Variants in SPATS1 observed in about 807,000 individuals in gnomAD.
SPATS1 encodes spermatogenesis associated serine rich 1.
SPATS1 carries 23 observed loss-of-function variants against 33.6 expected under a neutral mutation model. The ratio of observed to expected loss-of-function variants is 0.68; its 90% CI spans 0.49 to 0.97. The LOEUF (loss-of-function observed/expected upper bound fraction) is 0.97. Among genes scored for constraint, SPATS1 ranks in the 50% least tolerant of loss-of-function variants. The pLI, the probability that SPATS1 is intolerant of heterozygous loss-of-function variation, is 0.00. For missense variants in SPATS1, 327 were observed against 361.0 expected, an observed-to-expected ratio of 0.91 and a Z score of 0.76; for synonymous variants, 131 against 125.6, an observed-to-expected ratio of 1.04 and a Z score of -0.29.
chr6:44,356,968 T>C (rs912638724), intron 3 of SPATS1, among the ~76,000 whole-genome samples: 19 of 152,104 alleles, frequency 1.2e-4, no homozygotes, highest in Non-Finnish European at 2.2e-4. Context: ...GACTTAAATT[T>C]TATATTCTCA....
chr6:44,343,190 C>T lies in SPATS1; in HGVS notation c.95C>T (p.Pro32Leu), dbSNP rs1787668047. Residue 32 changes from proline (P) to leucine (L), a missense_variant, in exon 2 of 9, where the codon CCA (proline) becomes CTA (leucine). Coordinates refer to ENST00000674044, the MANE Select transcript of SPATS1 (RefSeq NM_001372081.1). ...TGCGGCAGACAGCTGGAGAAGGTTC[C>T]AGAAAAAAGGGACTCTGGCATGACC... Reference protein sequence around the residue: ...TTCGRQLEKVPEKRDSGMTEV... With the variant: ...TTCGRQLEKVLEKRDSGMTEV... The T allele has an allele frequency of 6.2e-7, 1 of 1,613,028 alleles. No homozygotes were observed.
chr6:44,351,390 G>A (rs777666309), intron 2 of SPATS1, among the ~76,000 whole-genome samples: 6 of 151,994 alleles, frequency 3.9e-5, no homozygotes, highest in South Asian at 4.1e-4. Flanking sequence ...ATCCCCCGTC[G>A]ATACCAAAAG....
intron 5 of SPATS1, among the ~76,000 whole-genome samples, chr6:44,364,043 C>T (rs1789096521): frequency 6.6e-6 from 1 of 152,130 alleles, no homozygotes; most frequent in African/African-American, 2.4e-5. Context: ...CCGATGTACT[C>T]ATCCACTTAG....
intron 5 of SPATS1, among the ~76,000 whole-genome samples, chr6:44,364,533 G>C (rs1789120027): frequency 7.2e-6 from 1 of 139,256 alleles, no homozygotes; most frequent in African/African-American, 2.7e-5. Flanking sequence ...GTGGTAGTTG[G>C]GTCTACAGGC....
intron 2 of SPATS1, 134 bp downstream of exon 2, chr6:44,343,368 G>GCAGCT: frequency 1.0e-6 from 1 of 1,002,376 alleles, no homozygotes; most frequent in Non-Finnish European, 1.6e-6. Context: ...AAAAAGAGCT[G>GCAGCT]CTTGAATAGT....
chr6:44,355,070 T>C (rs576934219), intron 3 of SPATS1, among the ~76,000 whole-genome samples: 7 of 152,174 alleles, frequency 4.6e-5, no homozygotes, highest in Non-Finnish European at 1.0e-4. Flanking sequence ...ATCCACCTGC[T>C]GCAGCCTCAC....
rs887425014 is a variant in SPATS1, at chr6:44,366,187, C to T, written c.575-2192C>T. ...TTGCCCAGGCTGGAGTGCAATGGTG[C>T]GATCTCGGCTCACTGCAATCTCTGC... On this transcript the variant is annotated intron_variant, in intron 5 of 8. Coordinates refer to ENST00000674044, the MANE Select transcript of SPATS1 (RefSeq NM_001372081.1). Among the ~76,000 whole-genome samples, 49 of 150,588 alleles carry T rather than the reference C, an allele frequency of 3.3e-4. 1 individual carries two copies. In the East Asian group the frequency reaches 7.8e-3, roughly 24 times the overall value.
rs1790031678 is a variant in SPATS1, at chr6:44,377,643, A to G, written c.*580A>G. On this transcript the variant is annotated 3_prime_UTR_variant, in exon 9 of 9. Transcript: ENST00000674044. The stretch of plus-strand genomic sequence containing the variant: ...GCCATAAACAGAATGGCTTATAAAC[A>G]ATAGGAATTCATTTCTTACAGTTCT... 6.4e-6 allele frequency: 1 copy of G among 156,816 alleles called. No homozygotes were observed. The highest frequency in any genetic ancestry group is 2.0e-4 in the South Asian group (1 of 5,118). 9.7% of individuals were successfully genotyped at this position (156,816 alleles called of 1,614,324 possible).
chr6:44,355,194 C>G, intron 3 of SPATS1, among the ~76,000 whole-genome samples: 1 of 151,292 alleles, frequency 6.6e-6, no homozygotes, highest in Non-Finnish European at 1.5e-5. Context: ...CTGGCAACCG[C>G]AGATATTTTT....
chr6:44,359,719 A>T (rs1275988325), intron 3 of SPATS1, among the ~76,000 whole-genome samples: 1 of 151,886 alleles, frequency 6.6e-6, no homozygotes, highest in Non-Finnish European at 1.5e-5. Context: ...ACAGGCATGC[A>T]CTACCATGCC....
At position 44,351,883 on chromosome 6, in the gene SPATS1, C is replaced by T. The variant is rs1788267252; in HGVS notation, c.140-843C>T. Among the ~76,000 whole-genome samples the T allele has an allele frequency of 2.6e-5, 4 of 152,208 alleles. No homozygotes were observed. In the South Asian group the frequency reaches 8.3e-4, roughly 31 times the overall value. Reference sequence around the variant, plus strand: ...CTGTGAGGGGAACCCACAGAAGTTTCTGAGGGCATTCTTTGGGTTGTGATC... The same window carrying T: ...CTGTGAGGGGAACCCACAGAAGTTTTTGAGGGCATTCTTTGGGTTGTGATC... On this transcript the variant is annotated intron_variant, in intron 2 of 8. Coordinates refer to ENST00000674044, the MANE Select transcript of SPATS1 (RefSeq NM_001372081.1).
intron 5 of SPATS1, among the ~76,000 whole-genome samples, chr6:44,365,405 G>T (rs554245318): frequency 6.6e-6 from 1 of 152,268 alleles, no homozygotes; most frequent in African/African-American, 2.4e-5. Flanking sequence ...AGATTCTGCC[G>T]CAGTAACAGT....
At chr6:44,349,374 G>A (rs1426698749) in intron 2 of SPATS1, among the ~76,000 whole-genome samples, 1 of 151,884 alleles carries the variant, frequency 6.6e-6, no homozygotes, top group Non-Finnish European at 1.5e-5. Flanking sequence ...GTATTAGGTG[G>A]AAAGTGTGGA....
chr6:44,343,381 CT>C, intron 2 of SPATS1, 147 bp downstream of exon 2: 1 of 919,162 alleles, frequency 1.1e-6, no homozygotes, highest in Non-Finnish European at 1.7e-6. Flanking sequence ...TGAATAGTAG[CT>C]TATGTTTGTG....
chr6:44,376,147 C>T (rs1789937256), intron 7 of SPATS1, among the ~76,000 whole-genome samples: 1 of 152,018 alleles, frequency 6.6e-6, no homozygotes. Flanking sequence ...CCAGGTGATA[C>T]TAGCTGCAAG....
At position 44,377,275 on chromosome 6, in the gene SPATS1, T is replaced by A. The variant is rs1790018948; in HGVS notation, c.*212T>A. ...AACAAACACCTGCATATCCTTCACA[T>A]AGATTCTATCATTGTTAATATTTGT... On this transcript the variant is annotated 3_prime_UTR_variant, in exon 9 of 9. Coordinates refer to ENST00000674044, the MANE Select transcript of SPATS1 (RefSeq NM_001372081.1). 1 of 598,070 alleles carries A rather than the reference T, an allele frequency of 1.7e-6. No homozygotes were observed. The highest frequency in any genetic ancestry group is 2.0e-5 in the South Asian group (1 of 49,664). 37.0% of individuals were successfully genotyped at this position (598,070 alleles called of 1,614,324 possible).
intron 4 of SPATS1, among the ~76,000 whole-genome samples, chr6:44,361,022 A>G (rs1269754744): frequency 6.6e-6 from 1 of 152,188 alleles, no homozygotes; most frequent in African/African-American, 2.4e-5. Context: ...ATAGATCTAT[A>G]TGGTTAATAT....
intron 2 of SPATS1, chr6:44,343,689 A>G (rs939052080): frequency 2.9e-5 from 10 of 350,444 alleles, no homozygotes; most frequent in Admixed American, 7.6e-5. Flanking sequence ...AGAATTATGA[A>G]CACTCTAAAA....
Position 44,379,718 on chromosome 6 carries a change from G to C in SPATS1, c.*2655G>C, listed in dbSNP as rs1004742371. On this transcript the variant is annotated 3_prime_UTR_variant, in exon 9 of 9. Transcript: ENST00000674044. Reference sequence around the variant, plus strand: ...TTCAAAGAGGTCTATATAATTCCTAGGTGCTGCTCTAAGTAGATATGATTT... The same window carrying C: ...TTCAAAGAGGTCTATATAATTCCTACGTGCTGCTCTAAGTAGATATGATTT... 6.6e-5 allele frequency among the ~76,000 whole-genome samples: 10 copies of C among 151,024 alleles called. No homozygotes were observed. The highest frequency in any genetic ancestry group is 1.3e-4 in the Non-Finnish European group (9 of 67,814).
Sources: gnomAD v4.1 joint callset for allele counts (sites outside exome capture counted in the v4.1 genomes callset) on GRCh38, gnomAD v4.1.1 for gene constraint, MANE v1.5 for transcripts, NCBI Gene and HGNC (gene_info 2026-07-23, HGNC 2026-07-21) for gene names.